Variants in MAML3 observed in about 807,000 individuals in gnomAD.
MAML3 encodes mastermind-like protein 3.
Under a neutral mutation model 101.9 loss-of-function variants are expected in MAML3, and 27 were observed. The observed-to-expected ratio is 0.27, with a 90% CI of 0.20 to 0.37. The LOEUF (loss-of-function observed/expected upper bound fraction) is 0.37. Among genes scored for constraint, MAML3 ranks in the 10% least tolerant of loss-of-function variants. The probability of loss-of-function intolerance (pLI) is 1.00; values close to 1 mark genes in which losing one functional copy is unlikely to be tolerated. For synonymous variants in MAML3, 501 were observed against 555.9 expected (o/e 0.90, Z 1.39); for missense variants, 1,316 against 1,444.9 (o/e 0.91, Z 1.45).
At chr4:139,809,000 CA>C in intron 2 of MAML3, among the ~76,000 whole-genome samples, 1 of 152,244 alleles carries the variant, frequency 6.6e-6, no homozygotes, top group Admixed American at 6.5e-5. Flanking sequence ...GTGACTCCCC[CA>C]CTCACTCTTT....
intron 1 of MAML3, among the ~76,000 whole-genome samples, chr4:139,934,197 T>C (rs1733461639): frequency 6.6e-6 from 1 of 151,204 alleles, no homozygotes; most frequent in African/African-American, 2.5e-5. Context: ...TGTGAATGTG[T>C]GTGTCTGTGT....
intron 2 of MAML3, among the ~76,000 whole-genome samples, chr4:139,753,804 G>A (rs749704492): frequency 2.0e-5 from 3 of 152,140 alleles, no homozygotes; most frequent in Non-Finnish European, 4.4e-5. Flanking sequence ...GCCAGACACA[G>A]CGCTGGACAC....
At chr4:139,742,412 G>A (rs1038261625) in intron 2 of MAML3, among the ~76,000 whole-genome samples, 1 of 152,152 alleles carries the variant, frequency 6.6e-6, no homozygotes, top group African/African-American at 2.4e-5. Context: ...GCCTCCCAAA[G>A]TGCTGGGACT....
intron 2 of MAML3, among the ~76,000 whole-genome samples, chr4:139,809,667 G>T (rs992481512): frequency 6.6e-6 from 1 of 152,072 alleles, no homozygotes. Context: ...AACCATATGT[G>T]TTCTCACCCT....
At chr4:140,010,397 T>A (rs1008994478) in intron 1 of MAML3, among the ~76,000 whole-genome samples, 1 of 152,224 alleles carries the variant, frequency 6.6e-6, no homozygotes, top group Non-Finnish European at 1.5e-5. Context: ...TTTTTAAATG[T>A]CAGCGTTCAT....
At chr4:139,834,580 A>G (rs957322729) in intron 2 of MAML3, among the ~76,000 whole-genome samples, 15 of 152,190 alleles carry the variant, frequency 9.9e-5, no homozygotes, top group Non-Finnish European at 1.9e-4. Flanking sequence ...TGAGCTTTGC[A>G]TTTCTAACAA....
intron 1 of MAML3, among the ~76,000 whole-genome samples, chr4:139,893,630 T>C (rs142342663): frequency 2.6e-4 from 40 of 152,278 alleles, no homozygotes; most frequent in African/African-American, 8.9e-4. Flanking sequence ...GGCAGCCCCA[T>C]TGACCATAAG....
intron 2 of MAML3, among the ~76,000 whole-genome samples, chr4:139,771,953 A>AT (rs1729991336): frequency 1.3e-5 from 2 of 151,646 alleles, no homozygotes; most frequent in African/African-American, 2.4e-5. Flanking sequence ...TAAAAAAAAA[A>AT]AAAAGTCCGG....
At chr4:140,135,769 C>A (rs1210932451) in intron 1 of MAML3, among the ~76,000 whole-genome samples, 1 of 152,238 alleles carries the variant, frequency 6.6e-6, no homozygotes, top group Non-Finnish European at 1.5e-5. Flanking sequence ...AACAGTGGGG[C>A]CTGTCTTCAG....
intron 1 of MAML3, among the ~76,000 whole-genome samples, chr4:139,932,639 T>C (rs567312265): frequency 6.6e-6 from 1 of 152,174 alleles, no homozygotes; most frequent in Admixed American, 6.6e-5. Context: ...CAAGGAGATA[T>C]CAACCAAAAA....
At chr4:139,721,268 A>T (rs1421570987) in intron 4 of MAML3, among the ~76,000 whole-genome samples, 2 of 152,222 alleles carry the variant, frequency 1.3e-5, no homozygotes, top group Non-Finnish European at 2.9e-5. Flanking sequence ...ACATGTTACC[A>T]GGAAATTTCC....
Position 140,153,241 on chromosome 4 carries a change from G to A in MAML3, c.87C>T (p.Ala29=), listed in dbSNP as rs372002116. The A allele has an allele frequency of 6.6e-5, 105 of 1,597,132 alleles. No homozygotes were observed. The highest frequency in any genetic ancestry group is 4.0e-4 in the Admixed American group (23 of 58,062). The part of the protein sequence containing the change: ...NSSLNSSLGG[A]GIGVNNTPNS... ...TGGGAGTATTATTCACACCGATCCC[G>A]GCCCCGCCGAGGCTGCTGTTCAGGC... is the stretch of plus-strand genomic sequence containing the variant. Residue 29 remains alanine (A), a synonymous_variant, in exon 1 of 5, where the codon GCC becomes GCT. Transcript: ENST00000509479.
At chr4:139,760,556 T>C (rs1729735198) in intron 2 of MAML3, among the ~76,000 whole-genome samples, 2 of 152,204 alleles carry the variant, frequency 1.3e-5, no homozygotes, top group African/African-American at 2.4e-5. Context: ...AATTATTAAA[T>C]GTGGCCAGAC....
At chr4:140,002,850 C>T (rs1726346265) in intron 1 of MAML3, among the ~76,000 whole-genome samples, 2 of 152,228 alleles carry the variant, frequency 1.3e-5, no homozygotes, top group Non-Finnish European at 2.9e-5. Flanking sequence ...TCCACTTACA[C>T]AGTGACCCTT....
chr4:139,777,788 T>G (rs79959728), intron 2 of MAML3, among the ~76,000 whole-genome samples: 1 of 152,348 alleles, frequency 6.6e-6, no homozygotes, highest in East Asian at 1.9e-4. Context: ...CTTTTGACCA[T>G]GGTCTTCCAG....
intron 2 of MAML3, among the ~76,000 whole-genome samples, chr4:139,746,721 C>A (rs915582514): frequency 6.6e-6 from 1 of 152,198 alleles, no homozygotes; most frequent in Non-Finnish European, 1.5e-5. Context: ...TCACCTCCCC[C>A]CTTCTCCTCC....
At chr4:140,021,230 A>T (rs1276869537) in intron 1 of MAML3, among the ~76,000 whole-genome samples, 2 of 152,206 alleles carry the variant, frequency 1.3e-5, no homozygotes, top group Non-Finnish European at 2.9e-5. Context: ...TCCCAGTTTA[A>T]CCATTCCATT....
At chr4:139,864,631 G>A (rs565757683) in intron 2 of MAML3, among the ~76,000 whole-genome samples, 216 of 134,916 alleles carry the variant, frequency 1.6e-3, no homozygotes, top group Non-Finnish European at 2.6e-3. Context: ...AGCCAAGATC[G>A]CGTCACTGCC....
intron 1 of MAML3, among the ~76,000 whole-genome samples, chr4:140,123,637 C>G (rs1286568686): frequency 6.6e-6 from 1 of 152,182 alleles, no homozygotes; most frequent in Non-Finnish European, 1.5e-5. Flanking sequence ...TCAGAAGACT[C>G]ACATCTGAAG....
Sources: allele counts gnomAD v4.1 joint callset (sites outside exome capture counted in the v4.1 genomes callset), GRCh38; gene constraint gnomAD v4.1.1; transcripts MANE v1.5; gene names NCBI Gene and HGNC (gene_info 2026-07-23, HGNC 2026-07-21).